The following SYNPR variants were observed in gnomAD, a reference collection of about 807,000 sequenced individuals.
SYNPR encodes the protein synaptoporin.
In SYNPR, 23 loss-of-function variants were observed where a neutral mutation model predicts 32.9. The observed-to-expected ratio is 0.70, with a 90% CI of 0.50 to 0.99. SYNPR has a LOEUF of 0.99. Among genes scored for constraint, SYNPR ranks in the 50% least tolerant of loss-of-function variants. SYNPR has a pLI of 0.00. For synonymous variants in SYNPR, 146 were observed against 135.9 expected, an observed-to-expected ratio of 1.07 and a Z score of -0.52; for missense variants, 318 against 349.3, an observed-to-expected ratio of 0.91 and a Z score of 0.71.
At chr3:63,268,926 T>C (rs1390456536) in intron 3 of SYNPR, among the ~76,000 whole-genome samples, 2 of 152,244 alleles carry the variant, frequency 1.3e-5, no homozygotes, top group Non-Finnish European at 2.9e-5. Flanking sequence ...TTTATTTCAA[T>C]TTCTAGGTAA....
intron 3 of SYNPR, among the ~76,000 whole-genome samples, chr3:63,502,317 T>C (rs1256085380): frequency 6.6e-6 from 1 of 151,900 alleles, no homozygotes; most frequent in Non-Finnish European, 1.5e-5. Flanking sequence ...CCCCGCCACA[T>C]GCATACCTTC....
intron 2 of SYNPR, among the ~76,000 whole-genome samples, chr3:63,295,208 T>A (rs768603235): frequency 6.6e-6 from 1 of 152,186 alleles, no homozygotes; most frequent in Non-Finnish European, 1.5e-5. Context: ...TCCCTGTGAA[T>A]GATAAAGCAG....
intron 2 of SYNPR, among the ~76,000 whole-genome samples, chr3:63,283,959 C>A (rs2086656300): frequency 6.6e-6 from 1 of 151,840 alleles, no homozygotes; most frequent in African/African-American, 2.4e-5. Flanking sequence ...CAGGCGCCTG[C>A]CACCACGCCT....
chr3:63,253,815 G>C (rs1433838282), intron 2 of SYNPR, among the ~76,000 whole-genome samples: 1 of 152,156 alleles, frequency 6.6e-6, no homozygotes, highest in Non-Finnish European at 1.5e-5. Flanking sequence ...TCTCATTACT[G>C]AGTATATACC....
In SYNPR at chr3:63,538,431, C is replaced by G. The variant is rs1375678304; in HGVS notation, c.210-18112C>G. Among the ~76,000 whole-genome samples, 3 of 151,930 alleles carry G rather than the reference C, an allele frequency of 2.0e-5. No homozygotes were observed. The South Asian group carries it at 6.3e-4, about 32-fold the overall frequency. On this transcript the variant is annotated intron_variant, in intron 3 of 5. Coordinates refer to ENST00000478300, the MANE Select transcript of SYNPR (RefSeq NM_001130003.2). Reference sequence around the variant, plus strand: ...TAATTAATATTATTCTCGGTGGAGTCAGAACTGTTGGTCACAATTCTTCCT... The same window carrying G: ...TAATTAATATTATTCTCGGTGGAGTGAGAACTGTTGGTCACAATTCTTCCT...
intron 5 of SYNPR, chr3:63,610,449 T>C: frequency 1.5e-6 from 1 of 688,588 alleles, no homozygotes; most frequent in East Asian, 2.7e-5. Flanking sequence ...TATCTTTGCT[T>C]CAAGATTAAC....
At chr3:63,262,881 G>A (rs62251310) in intron 2 of SYNPR, among the ~76,000 whole-genome samples, 32,465 of 152,190 alleles carry the variant, frequency 0.21, 4,259 homozygotes, top group Admixed American at 0.31. Flanking sequence ...CTGACCCAAG[G>A]CAGGTTTGAC....
intron 3 of SYNPR, among the ~76,000 whole-genome samples, chr3:63,501,602 T>G (rs1387396233): frequency 6.6e-6 from 1 of 152,034 alleles, no homozygotes; most frequent in African/African-American, 2.4e-5. Flanking sequence ...TGATAAGTGC[T>G]TAATAAATAT....
intron 3 of SYNPR, among the ~76,000 whole-genome samples, chr3:63,502,200 G>C (rs1051897734): frequency 6.6e-6 from 1 of 151,912 alleles, no homozygotes; most frequent in Non-Finnish European, 1.5e-5. Flanking sequence ...TTCTAGTTCT[G>C]TTGGGCAGTG....
chr3:63,571,410 T>G (rs1702883258), intron 4 of SYNPR, among the ~76,000 whole-genome samples: 4 of 152,144 alleles, frequency 2.6e-5, no homozygotes, highest in African/African-American at 9.7e-5. Flanking sequence ...AAATTCAAAT[T>G]TATAAACTTC....
At chr3:63,527,852 G>T (rs752832433) in intron 3 of SYNPR, among the ~76,000 whole-genome samples, 1 of 152,154 alleles carries the variant, frequency 6.6e-6, no homozygotes, top group Non-Finnish European at 1.5e-5. Flanking sequence ...TTGGTGTGAT[G>T]TAGTGTGGCA....
At chr3:63,600,573 T>C (rs976647087) in intron 4 of SYNPR, among the ~76,000 whole-genome samples, 11 of 152,190 alleles carry the variant, frequency 7.2e-5, no homozygotes, top group Non-Finnish European at 1.6e-4. Flanking sequence ...ATAATCCCCA[T>C]GTGTCAAGGA....
At chr3:63,264,516 C>A (rs1175661428) in intron 2 of SYNPR, among the ~76,000 whole-genome samples, 19 of 152,150 alleles carry the variant, frequency 1.2e-4, no homozygotes, top group African/African-American at 4.6e-4. Context: ...GGAAACAACT[C>A]CTATCAGCAC....
intron 5 of SYNPR, among the ~76,000 whole-genome samples, chr3:63,613,880 T>C (rs985240007): frequency 6.6e-6 from 1 of 152,132 alleles, no homozygotes; most frequent in African/African-American, 2.4e-5. Context: ...GGCAAGAAAG[T>C]ACAGTCCCCA....
intron 2 of SYNPR, among the ~76,000 whole-genome samples, chr3:63,314,403 T>C (rs972723550): frequency 1.7e-4 from 26 of 152,012 alleles, no homozygotes; most frequent in African/African-American, 6.0e-4. Flanking sequence ...CTTTTGATTA[T>C]GGCCATTCTT....
chr3:63,406,268 G>T (rs2088358336), intron 2 of SYNPR, among the ~76,000 whole-genome samples: 1 of 151,414 alleles, frequency 6.6e-6, no homozygotes, highest in South Asian at 2.1e-4. Context: ...TGTATTTTCA[G>T]TGAGATTTAT....
rs570785485 is a variant in SYNPR, at chr3:63,396,256, G to T, written c.85-84576G>T. Among the ~76,000 whole-genome samples, 118 of 152,218 alleles carry T rather than the reference G, an allele frequency of 7.8e-4. No homozygotes were observed. In the South Asian group the frequency reaches 0.023, roughly 30 times the overall value. On this transcript the variant is annotated intron_variant, in intron 2 of 5. Transcript: ENST00000478300. ...ATCAGTGATTCATCCATATCACAAGGTTCCTCAAGATCTTGCTTCTTGGAA... is the reference window on the plus strand; with the variant it reads ...ATCAGTGATTCATCCATATCACAAGTTTCCTCAAGATCTTGCTTCTTGGAA...
chr3:63,415,384 C>T (rs1045955339), intron 2 of SYNPR, among the ~76,000 whole-genome samples: 1 of 150,592 alleles, frequency 6.6e-6, no homozygotes, highest in African/African-American at 2.4e-5. Context: ...AAATTTGGCC[C>T]AAAAAGCCAA....
intron 2 of SYNPR, among the ~76,000 whole-genome samples, chr3:63,367,047 T>C (rs1187986634): frequency 6.6e-6 from 1 of 152,224 alleles, no homozygotes; most frequent in Non-Finnish European, 1.5e-5. Flanking sequence ...ATTTTGCCTT[T>C]TGTCTATAAT....
Sources: gnomAD v4.1 joint callset for allele counts (sites outside exome capture counted in the v4.1 genomes callset) on GRCh38, gnomAD v4.1.1 for gene constraint, MANE v1.5 for transcripts, NCBI Gene and HGNC (gene_info 2026-07-23, HGNC 2026-07-21) for gene names.